CCDC163: variants seen among roughly 807,000 people sequenced by gnomAD.
CCDC163 encodes the protein CCDC163 homolog, also known as transmembrane protein CCDC163.
A neutral mutation model predicts 8.2 loss-of-function variants in CCDC163; 13 were observed. The observed-to-expected ratio is 1.59, with a 90% confidence interval of 1.04 to 2.54. The LOEUF (loss-of-function observed/expected upper bound fraction) is 2.54, where lower values mean the gene tolerates loss of function less well. CCDC163 is among the 30% of genes most tolerant of loss of function. The pLI, the probability that CCDC163 is intolerant of heterozygous loss-of-function variation, is 0.00. For synonymous variants in CCDC163, 41 were observed against 30.9 expected, an observed-to-expected ratio of 1.33 and a Z score of -1.08; for missense variants, 117 against 78.6, an observed-to-expected ratio of 1.49 and a Z score of -1.85.
At chr1:45,497,886 A>G (rs1643387823) in intron 2 of CCDC163, among the ~76,000 whole-genome samples, 1 of 145,644 alleles carries the variant, frequency 6.9e-6, no homozygotes, top group African/African-American at 2.6e-5. Context: ...GGTGTGCCCA[A>G]CAGCTCATTG....
Position 45,494,866 on chromosome 1 carries a change from C to T in CCDC163, c.*193G>A, listed in dbSNP as rs1653948135. 5.2e-6 allele frequency: 3 copies of T among 579,680 alleles called. No homozygotes were observed. Among genetic ancestry groups the T allele is most frequent in the Admixed American group, 3.0e-5 (1 of 33,738 alleles). 35.9% of individuals were successfully genotyped at this position (579,680 alleles called of 1,614,324 possible). On this transcript the variant is annotated 3_prime_UTR_variant, in exon 5 of 5. Coordinates refer to ENST00000629482, the MANE Select transcript of CCDC163 (RefSeq NM_001102601.3). ...GGCTGAGGCAGGACAATTGCTTGAA[C>T]CTGGGAGGCGGAGGTTGCAGTGAGC...
chr1:45,498,239 A>G (rs964260850), intron 2 of CCDC163, among the ~76,000 whole-genome samples: 2 of 152,040 alleles, frequency 1.3e-5, no homozygotes, highest in Admixed American at 1.3e-4. Flanking sequence ...GGACACAAAC[A>G]CTGCCGAAGG....
chr1:45,497,671 T>A (rs1430492690), intron 2 of CCDC163, among the ~76,000 whole-genome samples: 8 of 59,836 alleles, frequency 1.3e-4, no homozygotes, highest in African/African-American at 3.4e-4. Flanking sequence ...GTGAGGAGCG[T>A]CTCCGCCCGG....
chr1:45,494,161 T>TA lies in CCDC163; in HGVS notation c.*897dup, dbSNP rs1470782652. ...AGATGCCAAAGAGAGCCTCAAGCAG[T>TA]AGAAGCTGGGGCTAGGCATGGTAGC... On this transcript the variant is annotated 3_prime_UTR_variant, in exon 5 of 5. Coordinates refer to ENST00000629482, the MANE Select transcript of CCDC163 (RefSeq NM_001102601.3). 2.0e-5 allele frequency: 3 copies of TA among 152,008 alleles called. No homozygotes were observed. Among genetic ancestry groups the TA allele is most frequent in the African/African-American group, 7.3e-5 (3 of 41,352 alleles). The allele number at this position is 152,008 out of a possible 1,614,324, so 9.4% of individuals were successfully genotyped here. A position where few individuals can be genotyped will look rare whatever the true frequency, so the allele number is the denominator to read the frequency against.
At chr1:45,496,696 C>G (rs1174278287) in intron 3 of CCDC163, 73 bp from the exon 4 acceptor site, 1 of 703,852 alleles carries the variant, frequency 1.4e-6, no homozygotes, top group Non-Finnish European at 2.6e-6. Flanking sequence ...TGTGACCAGC[C>G]TGCTGCCAAA....
chr1:45,495,644 G>T (rs1266139805), intron 4 of CCDC163: 1 of 638,122 alleles, frequency 1.6e-6, no homozygotes, highest in African/African-American at 1.9e-5. Context: ...TAGGACTCTG[G>T]TCTCCTCCCT....
intron 4 of CCDC163, 46 bp from the exon 5 acceptor site, chr1:45,495,212 T>C (rs765776714): frequency 5.1e-6 from 4 of 780,354 alleles, no homozygotes; most frequent in African/African-American, 3.4e-5. Flanking sequence ...TCAGCAAGCA[T>C]TGTGATATGC....
rs1653965642 is a variant in CCDC163 at position 45,495,084 on chromosome 1, G to T, written c.413C>A (p.Ser138Tyr). ...MPRVLSKRTY[S>Y]FGAPKCS ...TCAGGAGCATTTTGGGGCCCCAAAG[G>T]AATAGGTCCTCTTGCTTAAGACTCT... is the stretch of plus-strand genomic sequence containing the variant. Residue 138 changes from serine to tyrosine, a missense_variant, in exon 5 of 5, where the codon TCC (serine) becomes TAC (tyrosine). By Grantham distance (144) the Ser-to-Tyr change is moderately radical. Transcript: ENST00000629482. The T allele has an allele frequency of 1.3e-6, 1 of 780,874 alleles. No individual in the cohort carries two copies. The highest frequency in any genetic ancestry group is 1.7e-5 in the African/African-American group (1 of 59,254). The allele number at this position is 780,874 out of a possible 1,614,324, so 48.4% of individuals were successfully genotyped here. A position where few individuals can be genotyped will look rare whatever the true frequency, so the allele number is the denominator to read the frequency against.
intron 4 of CCDC163, chr1:45,495,524 T>C (rs2149314453): frequency 2.8e-6 from 2 of 702,758 alleles, no homozygotes; most frequent in Non-Finnish European, 2.6e-6. Context: ...GCAGCTTAGA[T>C]TGGACAACAT....
chr1:45,496,646 G>C (rs753205826), intron 3 of CCDC163, 23 bp from the exon 4 acceptor site: 1 of 773,538 alleles, frequency 1.3e-6, no homozygotes, highest in Non-Finnish European at 2.4e-6. Context: ...GAGAATGTAA[G>C]GGGGCTGTTC....
intron 2 of CCDC163, 74 bp downstream of exon 2, chr1:45,499,271 T>C: frequency 1.4e-6 from 1 of 720,606 alleles, no homozygotes; most frequent in Admixed American, 2.0e-5. Context: ...TTGGAAGGAA[T>C]AATGGATGAT....
chr1:45,498,124 A>G (rs562599578), intron 2 of CCDC163, among the ~76,000 whole-genome samples: 10 of 151,664 alleles, frequency 6.6e-5, no homozygotes, highest in Admixed American at 2.0e-4. Flanking sequence ...GTCCACTCAG[A>G]GTTAAATGGA....
chr1:45,496,705 A>C (rs1432613778), intron 3 of CCDC163, 82 bp from the exon 4 acceptor site: 1 of 694,028 alleles, frequency 1.4e-6, no homozygotes, highest in Non-Finnish European at 2.7e-6. Flanking sequence ...CCTGCTGCCA[A>C]AAACTGAGAC....
intron 4 of CCDC163, among the ~76,000 whole-genome samples, chr1:45,495,954 T>C (rs555396950): frequency 6.6e-6 from 1 of 152,138 alleles, no homozygotes; most frequent in East Asian, 1.9e-4. Context: ...CACCGCGCCC[T>C]GCCAATCTCT....
chr1:45,496,483 G>A (rs1163458249), intron 4 of CCDC163, 73 bp downstream of exon 4: 2 of 740,946 alleles, frequency 2.7e-6, no homozygotes, highest in South Asian at 2.9e-5. Flanking sequence ...CCTCCCTGCA[G>A]AACAGGATAG....
At chr1:45,495,495 G>A in intron 4 of CCDC163, 2 of 702,876 alleles carry the variant, frequency 2.8e-6, no homozygotes, top group Non-Finnish European at 5.2e-6. Flanking sequence ...AACAGACATG[G>A]TGAAGGTAGT....
chr1:45,499,132 C>T lies in CCDC163; in HGVS notation c.177+213G>A, dbSNP rs563167274. ...AGCCCAAGGCTGTTGAGCTTGGACT[C>T]CTGACTGCAGAGGCAAGTGATGAGA... On this transcript the variant is annotated intron_variant, in intron 2 of 4. Transcript: ENST00000629482. Among the ~76,000 whole-genome samples the T allele has an allele frequency of 9.9e-4, 150 of 152,284 alleles. 1 individual carries two copies. The highest frequency in any genetic ancestry group is 1.6e-3 in the Non-Finnish European group (110 of 68,030).
chr1:45,499,316 G>A, intron 2 of CCDC163, 29 bp downstream of exon 2: 1 of 754,352 alleles, frequency 1.3e-6, no homozygotes, highest in Non-Finnish European at 2.5e-6. Flanking sequence ...AAGAGAAAGG[G>A]CTTGGAAGTA....
chr1:45,495,800 G>A (rs1179739161), intron 4 of CCDC163, among the ~76,000 whole-genome samples: 1 of 151,786 alleles, frequency 6.6e-6, no homozygotes, highest in Non-Finnish European at 1.5e-5. Context: ...TCGAGTAGCT[G>A]GGATTACAGG....
Sources: gnomAD v4.1 joint callset for allele counts (sites outside exome capture counted in the v4.1 genomes callset) on GRCh38, gnomAD v4.1.1 for gene constraint, MANE v1.5 for transcripts, NCBI Gene and HGNC (gene_info 2026-07-23, HGNC 2026-07-21) for gene names.